DMD: variants seen among roughly 807,000 people sequenced by gnomAD.
The protein encoded by DMD is dystrophin, also known as mutant dystrophin.
A neutral mutation model predicts 330.1 loss-of-function variants in DMD; 63 were observed. That is an observed-to-expected ratio of 0.19 (90% CI 0.16 to 0.24). The LOEUF is 0.24. DMD is among the 10% of genes least tolerant of loss of function. The pLI, the probability that DMD is intolerant of heterozygous loss-of-function variation, is 1.00. For synonymous variants in DMD, 1,223 were observed against 959.8 expected, an observed-to-expected ratio of 1.27 and a Z score of -5.07; for missense variants, 3,344 against 2,684.1, an observed-to-expected ratio of 1.25 and a Z score of -5.43.
intron 49 of DMD, among the ~76,000 whole-genome samples, chrX:31,833,285 AGAGAGAGGGAGAGAGGGAGAGAGG>A (rs746705878): frequency 3.9e-4 from 13 of 33,544 alleles, no homozygotes; most frequent in East Asian, 3.9e-3. Flanking sequence ...AGAGAGAGAG[AGAGAGAGGGAGAGAGGGAGAGAGG>A]GAGAGAGGGA....
intron 16 of DMD, among the ~76,000 whole-genome samples, chrX:32,551,739 C>A (rs192498429): frequency 9.0e-6 from 1 of 111,589 alleles, no homozygotes; most frequent in East Asian, 2.8e-4. Flanking sequence ...GCCATAGTCT[C>A]TGCCCAAAAG....
intron 43 of DMD, among the ~76,000 whole-genome samples, chrX:32,279,966 C>CATATATATATGTACCCCACAT (rs1475682690): frequency 1.6e-5 from 1 of 64,332 alleles, no homozygotes; most frequent in Admixed American, 1.6e-4. Flanking sequence ...ATGTGTAACC[C>CATATATATATGTACCCCACAT]ATATATATAT....
At chrX:32,746,468 A>C (rs943639433) in intron 7 of DMD, among the ~76,000 whole-genome samples, 10 of 111,733 alleles carry the variant, frequency 8.9e-5, no homozygotes, top group African/African-American at 3.3e-4. Flanking sequence ...CATCAGCGTC[A>C]CCTGGGACCT....
intron 51 of DMD, among the ~76,000 whole-genome samples, chrX:31,739,479 A>C (rs2087133008): frequency 9.0e-6 from 1 of 111,468 alleles, no homozygotes; most frequent in Non-Finnish European, 1.9e-5. Context: ...TAATGTTTCA[A>C]TTTGTTGATA....
At position 33,317,363 on chromosome X, in the gene DMD, C is replaced by T. The variant is rs778832323; in HGVS notation, c.7+21896G>A. 8.1e-5 allele frequency among the ~76,000 whole-genome samples: 9 copies of T among 111,576 alleles called. No homozygotes were observed. In the South Asian group the frequency reaches 3.3e-3, roughly 41 times the overall value. ...TTATATATAAAACCTTTTCATGCTGCAAACACTACAATATATTTCTGCAAT... is the reference window on the plus strand; with the variant it reads ...TTATATATAAAACCTTTTCATGCTGTAAACACTACAATATATTTCTGCAAT... On this transcript the variant is annotated intron_variant, in intron 1 of 17. Transcript: ENST00000288447.
At chrX:32,499,129 G>A (rs192018734) in intron 19 of DMD, among the ~76,000 whole-genome samples, 1 of 111,110 alleles carries the variant, frequency 9.0e-6, no homozygotes, top group Admixed American at 9.6e-5. Flanking sequence ...TTTCCATCTT[G>A]GAATTTCATT....
chrX:31,581,689 T>C (rs1193937516), intron 55 of DMD, among the ~76,000 whole-genome samples: 4 of 112,344 alleles, frequency 3.6e-5, no homozygotes, highest in Non-Finnish European at 7.5e-5. Flanking sequence ...TTTTGCTTCA[T>C]CTATGTAAAA....
intron 43 of DMD, among the ~76,000 whole-genome samples, chrX:32,268,805 C>T (rs1465101626): frequency 9.0e-6 from 1 of 111,040 alleles, no homozygotes; most frequent in South Asian, 3.8e-4. Context: ...ATAAGGTACT[C>T]TTTTTTGTAA....
At chrX:32,896,238 C>T (rs2085705675) in intron 2 of DMD, among the ~76,000 whole-genome samples, 1 of 111,356 alleles carries the variant, frequency 9.0e-6, no homozygotes, top group South Asian at 3.8e-4. Flanking sequence ...ATGCTATGAT[C>T]AAATCCCTCT....
rs777088003 is a variant in DMD at position 31,875,387 on chromosome X, A to G, written c.6913-14T>C. On this transcript the variant is annotated splice_polypyrimidine_tract_variant and intron_variant, in intron 47 of 78. Coordinates refer to ENST00000357033, the MANE Select transcript of DMD (RefSeq NM_004006.3). ...AGCTCTGGAAACCTGAAAGGAAAATACATTTTAAAAAGGTAAATAATTCTC... is the reference window on the plus strand; with the variant it reads ...AGCTCTGGAAACCTGAAAGGAAAATGCATTTTAAAAAGGTAAATAATTCTC... 2.5e-6 allele frequency: 3 copies of G among 1,177,504 alleles called. No homozygotes were observed. Among genetic ancestry groups the G allele is most frequent in the African/African-American group, 3.5e-5 (2 of 57,151 alleles).
At chrX:31,215,003 G>A (rs1310148194) in intron 64 of DMD, among the ~76,000 whole-genome samples, 22 of 83,758 alleles carry the variant, frequency 2.6e-4, no homozygotes, top group African/African-American at 9.6e-4. Flanking sequence ...GGACAGTGGC[G>A]CGATCTCGGC....
intron 21 of DMD, 77 bp downstream of exon 21, chrX:32,484,842 G>A: frequency 1.9e-6 from 2 of 1,028,995 alleles, no homozygotes; most frequent in Admixed American, 2.5e-5. Context: ...ATTGTTTCAT[G>A]TTAGTACCTT....
At chrX:31,159,244 A>T (rs753472087) in intron 74 of DMD, among the ~76,000 whole-genome samples, 1 of 111,733 alleles carries the variant, frequency 8.9e-6, no homozygotes, top group East Asian at 2.8e-4. Flanking sequence ...ACTCGAAGGC[A>T]AAAAGACTGG....
chrX:32,501,961 T>C, intron 18 of DMD, 119 bp from the exon 19 acceptor site: 1 of 547,654 alleles, frequency 1.8e-6, no homozygotes, highest in Non-Finnish European at 3.1e-6. Context: ...GCTTATCACG[T>C]GAATCTAAAG....
intron 44 of DMD, among the ~76,000 whole-genome samples, chrX:32,081,133 G>A (rs1463524419): frequency 8.9e-6 from 1 of 111,884 alleles, no homozygotes; most frequent in Non-Finnish European, 1.9e-5. Flanking sequence ...GGGAGGTGGC[G>A]ATAGAACATT....
At chrX:33,116,812 G>A (rs896760225) in intron 1 of DMD, among the ~76,000 whole-genome samples, 3 of 111,119 alleles carry the variant, frequency 2.7e-5, no homozygotes, top group Non-Finnish European at 5.7e-5. Flanking sequence ...GACTAGAAAA[G>A]CAAGAATAAA....
At chrX:32,656,900 CATAAA>C (rs1232275284) in intron 9 of DMD, among the ~76,000 whole-genome samples, 1 of 111,363 alleles carries the variant, frequency 9.0e-6, no homozygotes, top group African/African-American at 3.3e-5. Flanking sequence ...AGTAATATGG[CATAAA>C]ATATTCATAG....
chrX:31,631,943 G>A (rs1434934753), intron 54 of DMD, among the ~76,000 whole-genome samples: 1 of 111,289 alleles, frequency 9.0e-6, no homozygotes, highest in Non-Finnish European at 1.9e-5. Flanking sequence ...CGGAGTGTTG[G>A]AGCTATAAAG....
chrX:31,666,617 G>A (rs5971586), intron 53 of DMD, among the ~76,000 whole-genome samples: 2,957 of 111,833 alleles, frequency 0.026, 50 homozygotes, highest in Non-Finnish European at 0.04. Context: ...CTAGTATAAT[G>A]ACACATAAAG....
Sources: gnomAD v4.1 joint callset for allele counts (sites outside exome capture counted in the v4.1 genomes callset) on GRCh38, gnomAD v4.1.1 for gene constraint, MANE v1.5 for transcripts, NCBI Gene and HGNC (gene_info 2026-07-23, HGNC 2026-07-21) for gene names.